The following ZBED1 variants were observed in gnomAD, a reference collection of about 807,000 sequenced individuals.
ZBED1 encodes E3 SUMO-protein ligase ZBED1.
ZBED1 carries 19 observed loss-of-function variants against 49.7 expected under a neutral mutation model. The observed-to-expected ratio is 0.38, with a 90% CI of 0.27 to 0.56. The LOEUF (loss-of-function observed/expected upper bound fraction) is 0.56, where lower values mean the gene tolerates loss of function less well. ZBED1 is among the 20% of genes least tolerant of loss of function. The pLI is 0.70. For missense variants in ZBED1, 806 were observed against 972.6 expected, an observed-to-expected ratio of 0.83 and a Z score of 2.28; for synonymous variants, 439 against 440.3, an observed-to-expected ratio of 1.00 and a Z score of 0.04.
Position 2,489,893 on chromosome X carries a change from A to C in ZBED1, c.827T>G (p.Val276Gly). The C allele has an allele frequency of 6.2e-7, 1 of 1,613,820 alleles. No individual in the cohort carries two copies. The highest frequency in any genetic ancestry group is 1.1e-5 in the South Asian group (1 of 91,076). Reference protein sequence around the residue: ...GATTNYGKDIVKACSLLDVAV... With the variant: ...GATTNYGKDIGKACSLLDVAV... ...GACGTCCAGCAGGGAGCACGCCTTC[A>C]CGATGTCCTTGCCATAGTTGGTGGT... Residue 276 changes from valine to glycine, a missense_variant, in exon 2 of 2, where the codon GTG becomes GGG. Physicochemically the swap from Val to Gly is moderately radical, Grantham distance 109. Transcript: ENST00000652001.
Position 2,490,724 on chromosome X carries a change from T to C in ZBED1, c.-5A>G, listed in dbSNP as rs2045114512. 10 of 1,609,806 alleles carry C rather than the reference T, an allele frequency of 6.2e-6. No individual in the cohort carries two copies. The highest frequency in any genetic ancestry group is 8.5e-6 in the Non-Finnish European group (10 of 1,177,410). On this transcript the variant is annotated 5_prime_UTR_variant, in exon 2 of 2. Coordinates refer to ENST00000652001, the MANE Select transcript of ZBED1 (RefSeq NM_001171136.2). ...CTCCAGGCTTTTATTCTCCATTGCTTCTCCACCGGAGCCTGCCTGCTGGAC... is the reference window on the plus strand; with the variant it reads ...CTCCAGGCTTTTATTCTCCATTGCTCCTCCACCGGAGCCTGCCTGCTGGAC...
chrX:2,499,938 G>T (rs1334351255), intron 1 of ZBED1, among the ~76,000 whole-genome samples: 4 of 152,158 alleles, frequency 2.6e-5, no homozygotes, highest in South Asian at 4.1e-4. Flanking sequence ...AGCACTTTGG[G>T]AGGCTGAGGC....
At chrX:2,495,588 G>A (rs2045261901) in intron 1 of ZBED1, among the ~76,000 whole-genome samples, 1 of 148,642 alleles carries the variant, frequency 6.7e-6, no homozygotes, top group Non-Finnish European at 1.5e-5. Context: ...CCACACAGTA[G>A]GTGGGTTCCA....
chrX:2,496,231 C>T (rs2045282242), intron 1 of ZBED1, among the ~76,000 whole-genome samples: 1 of 152,054 alleles, frequency 6.6e-6, no homozygotes, highest in Non-Finnish European at 1.5e-5. Flanking sequence ...CGGAGTCTCG[C>T]CCTGTTGCCC....
chrX:2,493,109 A>G (rs2045198136), intron 1 of ZBED1, among the ~76,000 whole-genome samples: 1 of 152,200 alleles, frequency 6.6e-6, no homozygotes, highest in Non-Finnish European at 1.5e-5. Context: ...CCTGTGGCCA[A>G]TGCCAGCACC....
rs2045008636 is a variant in ZBED1 at position 2,488,445 on chromosome X, G to T, written c.*190C>A. On this transcript the variant is annotated 3_prime_UTR_variant, in exon 2 of 2. Transcript: ENST00000652001. Reference sequence around the variant, plus strand: ...CCACCTCGGCCTCCCAAAGTGCTGCGATTATAGACAGGAGCCACCGCCCCC... The same window carrying T: ...CCACCTCGGCCTCCCAAAGTGCTGCTATTATAGACAGGAGCCACCGCCCCC... The T allele has an allele frequency of 5.6e-6, 4 of 712,700 alleles. No homozygotes were observed. Among genetic ancestry groups the T allele is most frequent in the East Asian group, 6.0e-5 (2 of 33,164 alleles). 44.1% of individuals were successfully genotyped at this position (712,700 alleles called of 1,614,324 possible).
At position 2,488,769 on chromosome X, in the gene ZBED1, C is replaced by T. The variant is rs200152606; in HGVS notation, c.1951G>A (p.Ala651Thr). Reference sequence around the variant, plus strand: ...GGTTCCGCCTCTGCCCCACTCCGGGCGTTCTCATACAGAAACACCTGCTCG... The same window carrying T: ...GGTTCCGCCTCTGCCCCACTCCGGGTGTTCTCATACAGAAACACCTGCTCG... ...VDEQVFLYENARSGAEAEPED... is the reference protein window; with the variant it reads ...VDEQVFLYENTRSGAEAEPED... The change falls in exon 2 of 2, where the codon GCC becomes ACC. Residue 651 changes from alanine to threonine, a missense_variant. By Grantham distance (58) the Ala-to-Thr change is moderately conservative. Coordinates refer to ENST00000652001, the MANE Select transcript of ZBED1 (RefSeq NM_001171136.2). 3.2e-5 allele frequency: 52 copies of T among 1,613,974 alleles called. No individual in the cohort carries two copies. The Middle Eastern group carries it at 5.0e-4, about 15-fold the overall frequency.
At chrX:2,499,494 G>A (rs2045359648) in intron 1 of ZBED1, among the ~76,000 whole-genome samples, 1 of 152,192 alleles carries the variant, frequency 6.6e-6, no homozygotes, top group Admixed American at 6.5e-5. Context: ...TATGGGCTGG[G>A]CACAGTGGCG....
At position 2,490,137 on chromosome X, in the gene ZBED1, C is replaced by G. The variant is rs1339874718; in HGVS notation, c.583G>C (p.Gly195Arg). ...LKELAEATWC[G>R]ISTDMWRSEN... ...CTCCTCCACATGTCGGTGGAGATGC[C>G]ACACCAGGTGGCCTCGGCCAGCTCC... Residue 195 changes from glycine (G) to arginine (R), a missense_variant, in exon 2 of 2, where the codon GGC becomes CGC. Physicochemically the swap from Gly to Arg is moderately radical, Grantham distance 125 (BLOSUM62 -2). Coordinates refer to ENST00000652001, the MANE Select transcript of ZBED1 (RefSeq NM_001171136.2). 1 of 1,613,940 alleles carries G rather than the reference C, an allele frequency of 6.2e-7. No individual in the cohort carries two copies. Among genetic ancestry groups the G allele is most frequent in the South Asian group, 1.1e-5 (1 of 91,084 alleles).
At chrX:2,492,756 A>C (rs1392140065) in intron 1 of ZBED1, among the ~76,000 whole-genome samples, 4 of 152,136 alleles carry the variant, frequency 2.6e-5, no homozygotes, top group South Asian at 2.1e-4. Flanking sequence ...GGCAGGAAGC[A>C]CCCTCCGCGT....
chrX:2,499,053 C>T lies in ZBED1; in HGVS notation c.-54+1764G>A, dbSNP rs182383658. On this transcript the variant is annotated intron_variant, in intron 1 of 1. Coordinates refer to ENST00000652001, the MANE Select transcript of ZBED1 (RefSeq NM_001171136.2). The stretch of plus-strand genomic sequence containing the variant: ...AAAGCTCTTTTTCTCTGGCTAGAGG[C>T]GGGAGAGAGAGGCTCATTTTAAAAC... Among the ~76,000 whole-genome samples the T allele has an allele frequency of 2.6e-5, 4 of 152,118 alleles. No individual in the cohort carries two copies. In the East Asian group the frequency reaches 5.8e-4, roughly 22 times the overall value.
At chrX:2,499,309 A>G (rs372968059) in intron 1 of ZBED1, among the ~76,000 whole-genome samples, 3 of 152,196 alleles carry the variant, frequency 2.0e-5, no homozygotes, top group Admixed American at 6.5e-5. Context: ...CTGGACATTT[A>G]AGACATTCAG....
At chrX:2,500,494 C>T (rs1464959672) in intron 1 of ZBED1, 1 of 156,160 alleles carries the variant, frequency 6.4e-6, no homozygotes, top group Non-Finnish European at 1.4e-5. Flanking sequence ...CGCGGGGGGG[C>T]GGCTGCACGG....
chrX:2,491,932 C>T (rs2045158681), intron 1 of ZBED1, among the ~76,000 whole-genome samples: 1 of 152,160 alleles, frequency 6.6e-6, no homozygotes, highest in African/African-American at 2.4e-5. Flanking sequence ...ACTCAGGAGG[C>T]CACCTCTGTG....
At chrX:2,499,230 T>G (rs1055320367) in intron 1 of ZBED1, among the ~76,000 whole-genome samples, 1 of 152,014 alleles carries the variant, frequency 6.6e-6, no homozygotes, top group African/African-American at 2.4e-5. Flanking sequence ...TGCAGTAGTG[T>G]CTTCCAGAGG....
At chrX:2,499,377 A>G in intron 1 of ZBED1, among the ~76,000 whole-genome samples, 1 of 152,214 alleles carries the variant, frequency 6.6e-6, no homozygotes, top group Non-Finnish European at 1.5e-5. Flanking sequence ...GTTTTGGAAA[A>G]CTGTTATTTT....
At chrX:2,499,589 G>A (rs1454335827) in intron 1 of ZBED1, among the ~76,000 whole-genome samples, 1 of 151,412 alleles carries the variant, frequency 6.6e-6, no homozygotes, top group Non-Finnish European at 1.5e-5. Context: ...TGGGCAACAT[G>A]GTGAGATGCC....
In ZBED1 at chrX:2,488,221, G is replaced by A. The variant is rs180935834; in HGVS notation, c.*414C>T. ...TTTTTGAGAGAGTCTCGCTCTTGTC[G>A]CCCAGGCTGGAGTGCAGCGATCTCA... is the stretch of plus-strand genomic sequence containing the variant. On this transcript the variant is annotated 3_prime_UTR_variant, in exon 2 of 2. Transcript: ENST00000652001. 2,577 of 174,932 alleles carry A rather than the reference G, an allele frequency of 0.015. 70 individuals are homozygous for A. The highest frequency in any genetic ancestry group is 0.056 in the African/African-American group (2,399 of 42,572). 10.8% of individuals were successfully genotyped at this position (174,932 alleles called of 1,614,324 possible).
chrX:2,493,999 A>G (rs1194886750), intron 1 of ZBED1, among the ~76,000 whole-genome samples: 1 of 150,124 alleles, frequency 6.7e-6, no homozygotes. Context: ...AAAAAAAAAG[A>G]TATATATGCT....
Sources: gnomAD v4.1 joint callset for allele counts (sites outside exome capture counted in the v4.1 genomes callset) on GRCh38, gnomAD v4.1.1 for gene constraint, MANE v1.5 for transcripts, NCBI Gene and HGNC (gene_info 2026-07-23, HGNC 2026-07-21) for gene names.